The following MEIS1 variants were observed in gnomAD, a reference collection of about 807,000 sequenced individuals.
MEIS1 encodes the protein homeobox protein Meis1.
MEIS1 carries 5 observed loss-of-function variants against 50.8 expected under a neutral mutation model. That is an observed-to-expected ratio of 0.10 (90% CI 0.05 to 0.21). The LOEUF (loss-of-function observed/expected upper bound fraction) is 0.21. Among genes scored for constraint, MEIS1 ranks in the 10% least tolerant of loss-of-function variants. MEIS1 has a pLI of 1.00. For missense variants in MEIS1, 318 were observed against 517.3 expected (o/e 0.61, Z 3.74); for synonymous variants, 176 against 179.3 (o/e 0.98, Z 0.15).
intron 8 of MEIS1, among the ~76,000 whole-genome samples, chr2:66,528,582 G>C (rs979515615): frequency 1.3e-5 from 2 of 151,982 alleles, no homozygotes; most frequent in African/African-American, 4.8e-5. Flanking sequence ...GCTCATCCCT[G>C]AGTCCCATCA....
intron 5 of MEIS1, chr2:66,441,751 G>A (rs1420441524): frequency 2.5e-6 from 1 of 392,404 alleles, no homozygotes; most frequent in Non-Finnish European, 4.5e-6. Flanking sequence ...CTGATGTTTC[G>A]AATGCTGCTC....
chr2:66,532,589 T>G (rs990257522), intron 8 of MEIS1, among the ~76,000 whole-genome samples: 2 of 151,842 alleles, frequency 1.3e-5, no homozygotes, highest in Non-Finnish European at 2.9e-5. Flanking sequence ...CATCACAGAG[T>G]TTTTAAATCC....
At chr2:66,439,077 CTTCT>C (rs779044292) in intron 2 of MEIS1, 1,805 of 144,852 alleles carry the variant, frequency 0.012, 7 homozygotes, top group African/African-American at 0.022. Flanking sequence ...TCTTCTTCTT[CTTCT>C]TTTTTTTTTT....
intron 6 of MEIS1, among the ~76,000 whole-genome samples, chr2:66,447,723 G>T (rs1428641080): frequency 6.6e-6 from 1 of 152,150 alleles, no homozygotes; most frequent in African/African-American, 2.4e-5. Flanking sequence ...GGGGAAAAAA[G>T]TACACCATAG....
chr2:66,521,928 T>C (rs540740534), intron 8 of MEIS1, among the ~76,000 whole-genome samples: 1 of 152,318 alleles, frequency 6.6e-6, no homozygotes, highest in African/African-American at 2.4e-5. Context: ...AATGTCAGCT[T>C]CCAGGAGTGT....
chr2:66,565,087 T>C (rs192539176), intron 9 of MEIS1, among the ~76,000 whole-genome samples: 2 of 152,270 alleles, frequency 1.3e-5, no homozygotes, highest in Admixed American at 6.5e-5. Flanking sequence ...AGGGGATTCA[T>C]GTCAGTGACC....
At chr2:66,558,453 T>G (rs1572903560) in intron 9 of MEIS1, among the ~76,000 whole-genome samples, 2 of 152,290 alleles carry the variant, frequency 1.3e-5, no homozygotes, top group African/African-American at 4.8e-5. Context: ...TTGCTAATGT[T>G]ATTGTCTTTA....
At chr2:66,562,194 C>T (rs1675236535) in intron 9 of MEIS1, 1 of 151,488 alleles carries the variant, frequency 6.6e-6, no homozygotes, top group South Asian at 2.1e-4. Flanking sequence ...CCACTGTGAT[C>T]TCCTCACCTC....
intron 8 of MEIS1, among the ~76,000 whole-genome samples, chr2:66,535,934 A>G (rs1486538081): frequency 1.3e-5 from 2 of 152,244 alleles, no homozygotes; most frequent in African/African-American, 4.8e-5. Context: ...TAAATAGCTT[A>G]GACAACAATG....
At chr2:66,506,553 A>C (rs1053975977) in intron 7 of MEIS1, among the ~76,000 whole-genome samples, 1 of 152,218 alleles carries the variant, frequency 6.6e-6, no homozygotes, top group Non-Finnish European at 1.5e-5. Context: ...CTTCCACGCC[A>C]GGCTAAGAAG....
chr2:66,566,571 C>G (rs1356176230), intron 9 of MEIS1, among the ~76,000 whole-genome samples: 2 of 147,210 alleles, frequency 1.4e-5, no homozygotes, highest in African/African-American at 5.0e-5. Flanking sequence ...TTAAGAGAAT[C>G]TCATGCGTAT....
chr2:66,447,495 TAAG>T (rs1447035070), intron 6 of MEIS1, among the ~76,000 whole-genome samples: 1 of 152,218 alleles, frequency 6.6e-6, no homozygotes, highest in African/African-American at 2.4e-5. Flanking sequence ...GATTAAATAA[TAAG>T]GTGTTGACTG....
At chr2:66,439,199 G>T in intron 2 of MEIS1, 2 of 865,776 alleles carry the variant, frequency 2.3e-6, no homozygotes, top group Non-Finnish European at 2.8e-6. Flanking sequence ...AGGAACATTT[G>T]AAGGAACTTT....
intron 7 of MEIS1, among the ~76,000 whole-genome samples, chr2:66,469,709 T>C (rs1672722209): frequency 6.6e-6 from 1 of 152,152 alleles, no homozygotes; most frequent in Non-Finnish European, 1.5e-5. Context: ...AACTGACACT[T>C]CATTTTTCAC....
intron 7 of MEIS1, 120 bp from the exon 8 acceptor site, chr2:66,512,029 C>A: frequency 8.5e-7 from 1 of 1,175,922 alleles, no homozygotes; most frequent in South Asian, 2.3e-5. Flanking sequence ...AAAACAGTAC[C>A]AAAGAAACTA....
At chr2:66,539,570 C>T (rs2103912731) in intron 8 of MEIS1, among the ~76,000 whole-genome samples, 1 of 152,272 alleles carries the variant, frequency 6.6e-6, no homozygotes, top group East Asian at 1.9e-4. Flanking sequence ...TTTGTCCTTT[C>T]TGTGCTCAAG....
chr2:66,435,662 G>A lies in MEIS1; in HGVS notation c.-195G>A, dbSNP rs1671781038. On this transcript the variant is annotated 5_prime_UTR_variant, in exon 1 of 13. Coordinates refer to ENST00000272369, the MANE Select transcript of MEIS1 (RefSeq NM_002398.3). Reference sequence around the variant, plus strand: ...CGCTTTTATGCTCAGTGACTCGGGCGCTTTGCTTCAGGTCCCGTAGACCGA... The same window carrying A: ...CGCTTTTATGCTCAGTGACTCGGGCACTTTGCTTCAGGTCCCGTAGACCGA... The A allele has an allele frequency of 4.3e-6, 2 of 464,684 alleles. No individual in the cohort carries two copies. The highest frequency in any genetic ancestry group is 3.8e-6 in the Non-Finnish European group (1 of 263,498). 28.8% of individuals were successfully genotyped at this position (464,684 alleles called of 1,614,324 possible).
intron 7 of MEIS1, among the ~76,000 whole-genome samples, chr2:66,496,376 A>G (rs938926412): frequency 7.9e-5 from 12 of 151,966 alleles, no homozygotes; most frequent in Admixed American, 7.9e-4. Flanking sequence ...GGTGAGTGAA[A>G]AGTAACTCTC....
In MEIS1 at chr2:66,473,273, G is replaced by T. The variant is rs867088400; in HGVS notation, c.742+9053G>T. Among the ~76,000 whole-genome samples the T allele has an allele frequency of 2.0e-4, 30 of 150,862 alleles. No homozygotes were observed. In the South Asian group the frequency reaches 2.7e-3, roughly 14 times the overall value. Reference sequence around the variant, plus strand: ...CGTGCCTGTAATCCCAGCTAGTTGGGAGGCTGAGGCAGGAGAATCGCTTGA... The same window carrying T: ...CGTGCCTGTAATCCCAGCTAGTTGGTAGGCTGAGGCAGGAGAATCGCTTGA... On this transcript the variant is annotated intron_variant, in intron 7 of 12. Transcript: ENST00000272369.
Sources: gnomAD v4.1 joint callset for allele counts (sites outside exome capture counted in the v4.1 genomes callset) on GRCh38, gnomAD v4.1.1 for gene constraint, MANE v1.5 for transcripts, NCBI Gene and HGNC (gene_info 2026-07-23, HGNC 2026-07-21) for gene names.